GYPE: variants seen among roughly 807,000 people sequenced by gnomAD.
GYPE encodes the protein glycophorin-E.
A neutral mutation model predicts 11.6 loss-of-function variants in GYPE; 8 were observed. The ratio of observed to expected loss-of-function variants is 0.69; its 90% confidence interval spans 0.41 to 1.25. The LOEUF (loss-of-function observed/expected upper bound fraction) is 1.25. Ranked by LOEUF, GYPE falls within the 50% of genes most tolerant of loss-of-function variation. GYPE has a pLI of 0.01. For missense variants in GYPE, 90 were observed against 92.8 expected, an observed-to-expected ratio of 0.97 and a Z score of 0.12; for synonymous variants, 28 against 29.6, an observed-to-expected ratio of 0.94 and a Z score of 0.18.
At chr4:143,901,149 C>G (rs1403651669) in intron 1 of GYPE, among the ~76,000 whole-genome samples, 1 of 152,206 alleles carries the variant, frequency 6.6e-6, no homozygotes, top group African/African-American at 2.4e-5. Context: ...CAAAGTTGAT[C>G]AAATAACTGT....
rs186471408 is a variant in GYPE at position 143,904,218 on chromosome 4, G to T, written c.37+1253C>A. Reference sequence around the variant, plus strand: ...TAGTCTGTAACTACTGATAGCTACTGCTTATTTTAATAATATATTATTAAT... The same window carrying T: ...TAGTCTGTAACTACTGATAGCTACTTCTTATTTTAATAATATATTATTAAT... On this transcript the variant is annotated intron_variant, in intron 1 of 3. Coordinates refer to ENST00000358615, the MANE Select transcript of GYPE (RefSeq NM_198682.3). 5.9e-3 allele frequency among the ~76,000 whole-genome samples: 901 copies of T among 151,960 alleles called. 12 individuals are homozygous for T. Among genetic ancestry groups the T allele is most frequent in the African/African-American group, 0.021 (864 of 41,432 alleles).
chr4:143,890,831 TCCTC>T (rs1744374471), intron 1 of GYPE, among the ~76,000 whole-genome samples: 1 of 151,848 alleles, frequency 6.6e-6, no homozygotes, highest in Admixed American at 6.6e-5. Flanking sequence ...CTCCCTCACT[TCCTC>T]CCTCAATTCG....
chr4:143,904,999 C>T (rs1745007154), intron 1 of GYPE, among the ~76,000 whole-genome samples: 1 of 152,006 alleles, frequency 6.6e-6, no homozygotes, highest in African/African-American at 2.4e-5. Context: ...AATGGACCCA[C>T]AGAGAAGCGA....
chr4:143,890,341 T>G (rs1234030984), intron 1 of GYPE, among the ~76,000 whole-genome samples: 1 of 152,196 alleles, frequency 6.6e-6, no homozygotes, highest in Non-Finnish European at 1.5e-5. Context: ...TTTACCTGTG[T>G]CCGCTTTAGT....
chr4:143,878,798 C>A (rs1743909805), intron 2 of GYPE: 2 of 381,200 alleles, frequency 5.2e-6, no homozygotes, highest in African/African-American at 4.4e-5. Context: ...AGTTGTTGGT[C>A]AACTTTCAAC....
chr4:143,898,164 C>G (rs1744730235), intron 1 of GYPE, among the ~76,000 whole-genome samples: 1 of 152,128 alleles, frequency 6.6e-6, no homozygotes, highest in African/African-American at 2.4e-5. Flanking sequence ...ATTGCCTGAG[C>G]TCAGGAGTTG....
At chr4:143,901,149 C>T (rs1403651669) in intron 1 of GYPE, among the ~76,000 whole-genome samples, 1 of 152,086 alleles carries the variant, frequency 6.6e-6, no homozygotes, top group African/African-American at 2.4e-5. Context: ...CAAAGTTGAT[C>T]AAATAACTGT....
chr4:143,901,438 T>C (rs10032930), intron 1 of GYPE, among the ~76,000 whole-genome samples: 142,535 of 152,038 alleles, frequency 0.94, 67,562 homozygotes, highest in East Asian at 1. Flanking sequence ...AAAAATAAAA[T>C]CTTACAATCC....
chr4:143,881,338 T>G (rs1482153923), intron 1 of GYPE, among the ~76,000 whole-genome samples: 3 of 152,096 alleles, frequency 2.0e-5, no homozygotes, highest in Non-Finnish European at 2.9e-5. Context: ...ATTTATAAGT[T>G]ATTTTATAAA....
intron 1 of GYPE, among the ~76,000 whole-genome samples, chr4:143,901,120 A>C (rs1425648334): frequency 6.6e-6 from 1 of 152,294 alleles, no homozygotes; most frequent in East Asian, 1.9e-4. Flanking sequence ...GCTGTATATA[A>C]ATCTAGGGAT....
At chr4:143,893,677 T>G (rs1744502043) in intron 1 of GYPE, among the ~76,000 whole-genome samples, 1 of 152,196 alleles carries the variant, frequency 6.6e-6, no homozygotes. Context: ...TGCCGAGAGA[T>G]CTGCTCTTAG....
chr4:143,896,562 C>A (rs1442216056), intron 1 of GYPE, among the ~76,000 whole-genome samples: 2 of 152,138 alleles, frequency 1.3e-5, no homozygotes, highest in Non-Finnish European at 2.9e-5. Context: ...GTTGGTGGGA[C>A]TGTAAACTAG....
intron 1 of GYPE, among the ~76,000 whole-genome samples, chr4:143,896,820 T>A (rs534799301): frequency 6.6e-6 from 1 of 152,300 alleles, no homozygotes; most frequent in South Asian, 2.1e-4. Context: ...TGGAATAATA[T>A]GCGGCCATAA....
intron 3 of GYPE, among the ~76,000 whole-genome samples, chr4:143,873,825 C>T (rs979660704): frequency 6.6e-6 from 1 of 152,034 alleles, no homozygotes; most frequent in African/African-American, 2.4e-5. Flanking sequence ...ATGAGAACCA[C>T]TCAAAAGATC....
intron 1 of GYPE, among the ~76,000 whole-genome samples, chr4:143,893,994 A>G (rs1744519244): frequency 1.3e-5 from 2 of 152,242 alleles, no homozygotes; most frequent in South Asian, 4.1e-4. Context: ...TATTTCTTGG[A>G]GGCTTTGTTC....
intron 1 of GYPE, among the ~76,000 whole-genome samples, chr4:143,898,013 T>C (rs1325320698): frequency 1.3e-5 from 2 of 152,128 alleles, no homozygotes; most frequent in African/African-American, 4.8e-5. Flanking sequence ...TAAATGTCAG[T>C]TGTGAATTAA....
intron 2 of GYPE, 121 bp downstream of exon 2, chr4:143,880,290 C>T: frequency 6.6e-7 from 1 of 1,505,518 alleles, no homozygotes; most frequent in Non-Finnish European, 9.1e-7. Context: ...TAGGCTGTGT[C>T]TACTTAGCTC....
intron 1 of GYPE, among the ~76,000 whole-genome samples, chr4:143,889,778 C>T (rs1744335062): frequency 6.6e-6 from 1 of 152,144 alleles, no homozygotes; most frequent in Non-Finnish European, 1.5e-5. Context: ...TCATTCCACA[C>T]ATCTCTCTAA....
At chr4:143,889,226 G>A (rs1170054979) in intron 1 of GYPE, among the ~76,000 whole-genome samples, 6 of 151,972 alleles carry the variant, frequency 3.9e-5, no homozygotes, top group African/African-American at 1.5e-4. Context: ...TTTTAGCCTC[G>A]CTCTGTACTA....
Sources: gnomAD v4.1 joint callset for allele counts (sites outside exome capture counted in the v4.1 genomes callset) on GRCh38, gnomAD v4.1.1 for gene constraint, MANE v1.5 for transcripts, NCBI Gene and HGNC (gene_info 2026-07-23, HGNC 2026-07-21) for gene names.